USH2A: variants seen among roughly 807,000 people sequenced by gnomAD.
USH2A encodes Usher syndrome 2A (autosomal recessive, mild).
Under a neutral mutation model 538.9 loss-of-function variants are expected in USH2A, and 443 were observed. The ratio of observed to expected loss-of-function variants is 0.82; its 90% CI spans 0.76 to 0.89. The LOEUF (loss-of-function observed/expected upper bound fraction) is 0.89. USH2A is among the 40% of genes least tolerant of loss of function. The pLI is 0.00. For missense variants in USH2A, 6,633 were observed against 6,324.8 expected, an observed-to-expected ratio of 1.05 and a Z score of -1.65; for synonymous variants, 2,413 against 2,273.5, an observed-to-expected ratio of 1.06 and a Z score of -1.75.
intron 61 of USH2A, among the ~76,000 whole-genome samples, chr1:215,710,228 T>C (rs1224930942): frequency 6.6e-6 from 1 of 152,202 alleles, no homozygotes; most frequent in Non-Finnish European, 1.5e-5. Flanking sequence ...GAATTTTCCT[T>C]GTCTCATGTC....
chr1:215,824,691 C>T (rs1449221667), intron 47 of USH2A, among the ~76,000 whole-genome samples: 3 of 152,230 alleles, frequency 2.0e-5, no homozygotes, highest in South Asian at 2.1e-4. Flanking sequence ...GAGATAGAGC[C>T]CTTCGGGCAC....
chr1:215,786,905 G>A, intron 51 of USH2A, 31 bp from the exon 52 acceptor site: 1 of 1,608,562 alleles, frequency 6.2e-7, no homozygotes. Context: ...GAGAGAGAGA[G>A]GGGTATTTAA....
At chr1:215,730,826 G>A (rs940676626) in intron 60 of USH2A, among the ~76,000 whole-genome samples, 1 of 152,266 alleles carries the variant, frequency 6.6e-6, no homozygotes, top group East Asian at 1.9e-4. Flanking sequence ...TACCATGCGT[G>A]AACCAGATTC....
chr1:215,992,077 T>C (rs1437814409), intron 35 of USH2A, among the ~76,000 whole-genome samples: 2 of 152,196 alleles, frequency 1.3e-5, no homozygotes, highest in African/African-American at 4.8e-5. Context: ...AAAGTTTAAT[T>C]AAAATGAGAT....
At position 216,323,648 on chromosome 1, in the gene USH2A, G is replaced by A; in HGVS notation, c.1376C>T (p.Pro459Leu). The A allele has an allele frequency of 6.2e-7, 1 of 1,613,554 alleles. No homozygotes were observed. Among genetic ancestry groups the A allele is most frequent in the Non-Finnish European group, 8.5e-7 (1 of 1,179,724 alleles). ...GTATCCAGGACGATAATTTGGTCCAGGTGTCAGGATGCTAAATGTGACATT... is the reference window on the plus strand; with the variant it reads ...GTATCCAGGACGATAATTTGGTCCAAGTGTCAGGATGCTAAATGTGACATT... ...RGNVTFSILT[P>L]GPNYRPGYNN... The change falls in exon 8 of 72, where the codon CCT (proline) becomes CTT (leucine). Residue 459 changes from proline to leucine, a missense_variant. Physicochemically the swap from Pro to Leu is moderately conservative, Grantham distance 98. Transcript: ENST00000307340.
chr1:215,690,709 C>T (rs947801767), intron 61 of USH2A, among the ~76,000 whole-genome samples: 2 of 136,974 alleles, frequency 1.5e-5, no homozygotes, highest in East Asian at 2.3e-4. Context: ...TTGTTTAGGC[C>T]AAAAACTTTG....
chr1:215,983,670 G>T (rs1432506659), intron 35 of USH2A, among the ~76,000 whole-genome samples: 1 of 152,090 alleles, frequency 6.6e-6, no homozygotes, highest in East Asian at 1.9e-4. Context: ...GTTAAATGTG[G>T]ATTAAATAAA....
At position 216,103,686 on chromosome 1, in the gene USH2A, T is replaced by TA. The variant is rs377382461; in HGVS notation, c.4628-6474dup. ...TCTTACAATGGACATGTAGAATACA[T>TA]AAAAAAATCCTACAACTCAATAAAA... On this transcript the variant is annotated intron_variant, in intron 21 of 71. Coordinates refer to ENST00000307340, the MANE Select transcript of USH2A (RefSeq NM_206933.4). 5.2e-3 allele frequency among the ~76,000 whole-genome samples: 793 copies of TA among 152,142 alleles called. 5 individuals carry two copies. The highest frequency in any genetic ancestry group is 0.018 in the African/African-American group (733 of 41,522).
intron 25 of USH2A, 91 bp from the exon 26 acceptor site, chr1:216,083,677 C>A: frequency 7.8e-7 from 1 of 1,277,882 alleles, no homozygotes; most frequent in Non-Finnish European, 1.1e-6. Context: ...ACACAGTCTG[C>A]CACTGAGTAA....
chr1:215,908,639 T>A (rs2102476910), intron 38 of USH2A, among the ~76,000 whole-genome samples: 1 of 152,044 alleles, frequency 6.6e-6, no homozygotes, highest in Non-Finnish European at 1.5e-5. Context: ...AACATTAAGA[T>A]GAATACTTAC....
At chr1:216,181,847 A>G (rs2034499871) in intron 20 of USH2A, among the ~76,000 whole-genome samples, 1 of 152,110 alleles carries the variant, frequency 6.6e-6, no homozygotes, top group Admixed American at 6.6e-5. Flanking sequence ...CTGCAGCACA[A>G]ATAAATGTAC....
chr1:216,194,380 T>A (rs207461113), intron 19 of USH2A, among the ~76,000 whole-genome samples: 3 of 152,042 alleles, frequency 2.0e-5, no homozygotes, highest in Non-Finnish European at 4.4e-5. Flanking sequence ...CTAGTAATTA[T>A]AAGGACAATG....
intron 21 of USH2A, among the ~76,000 whole-genome samples, chr1:216,171,626 A>C (rs1465984728): frequency 6.6e-6 from 1 of 152,086 alleles, no homozygotes; most frequent in Non-Finnish European, 1.5e-5. Context: ...ATGTTTAATG[A>C]GTACTAAATA....
In USH2A at chr1:215,956,683, G is replaced by T. The variant is rs531153405; in HGVS notation, c.7120+8634C>A. Reference sequence around the variant, plus strand: ...ATTTCCATTTCATCATTACATCGCCGCCTCAACAGACACAACAGCATAGAG... The same window carrying T: ...ATTTCCATTTCATCATTACATCGCCTCCTCAACAGACACAACAGCATAGAG... On this transcript the variant is annotated intron_variant, in intron 37 of 71. Transcript: ENST00000307340. Among the ~76,000 whole-genome samples, 4 of 152,138 alleles carry T rather than the reference G, an allele frequency of 2.6e-5. No individual in the cohort carries two copies. In the East Asian group the frequency reaches 7.7e-4, roughly 29 times the overall value.
chr1:215,787,086 G>A (rs1455646554), intron 51 of USH2A, among the ~76,000 whole-genome samples: 1 of 152,138 alleles, frequency 6.6e-6, no homozygotes. Flanking sequence ...TAAAATTTCA[G>A]TTTTGCAGCT....
intron 32 of USH2A, among the ~76,000 whole-genome samples, chr1:216,040,069 ACACAC>A (rs2030202400): frequency 6.6e-6 from 1 of 151,252 alleles, no homozygotes; most frequent in Non-Finnish European, 1.5e-5. Context: ...ACACACACAC[ACACAC>A]ACACACACAC....
intron 49 of USH2A, among the ~76,000 whole-genome samples, chr1:215,800,141 G>C (rs1023627860): frequency 2.0e-5 from 3 of 152,028 alleles, no homozygotes; most frequent in Non-Finnish European, 2.9e-5. Flanking sequence ...TTTGTAAATG[G>C]CTTCCCTTAA....
chr1:215,765,625 A>G (rs1661105848), intron 56 of USH2A, among the ~76,000 whole-genome samples: 1 of 152,154 alleles, frequency 6.6e-6, no homozygotes. Flanking sequence ...TTTCTTTTGA[A>G]AGTAAATGAC....
rs188988614 is a variant in USH2A at position 215,817,080 on chromosome 1, G to T, written c.9487C>A (p.Gln3163Lys). 6 of 1,612,840 alleles carry T rather than the reference G, an allele frequency of 3.7e-6. No homozygotes were observed. The Admixed American group carries it at 1.0e-4, about 27-fold the overall frequency. ...ACTGCCTTGCAGAGCTCATCACTCTGATCCTGCACTAACTTTTGAGTTTTA... is the reference window on the plus strand; with the variant it reads ...ACTGCCTTGCAGAGCTCATCACTCTTATCCTGCACTAACTTTTGAGTTTTA... ...CAKTQKLVQD[Q>K]SDELCKAVRC... The change falls in exon 48 of 72, where the codon CAG (glutamine) becomes AAG (lysine). Residue 3163 changes from glutamine to lysine, a missense_variant. Transcript: ENST00000307340.
Sources: allele counts gnomAD v4.1 joint callset (sites outside exome capture counted in the v4.1 genomes callset), GRCh38; gene constraint gnomAD v4.1.1; transcripts MANE v1.5; gene names NCBI Gene and HGNC (gene_info 2026-07-23, HGNC 2026-07-21).